The following ZBTB7C variants were observed in gnomAD, a reference collection of about 807,000 sequenced individuals.
ZBTB7C encodes the protein zinc finger and BTB domain containing 7C, also known as zinc finger and BTB domain-containing protein 7C.
A neutral mutation model predicts 25.7 loss-of-function variants in ZBTB7C; 8 were observed. The ratio of observed to expected loss-of-function variants is 0.31; its 90% CI spans 0.18 to 0.56. The LOEUF (loss-of-function observed/expected upper bound fraction) is 0.56. Ranked by LOEUF, ZBTB7C falls within the 20% of genes least tolerant of loss-of-function variation. The probability of loss-of-function intolerance (pLI) is 0.91; values close to 1 mark genes in which losing one functional copy is unlikely to be tolerated. For missense variants in ZBTB7C, 824 were observed against 855.2 expected (o/e 0.96, Z 0.46); for synonymous variants, 394 against 369.0 (o/e 1.07, Z -0.78).
intron 1 of ZBTB7C, among the ~76,000 whole-genome samples, chr18:48,339,346 C>T (rs897063960): frequency 4.6e-5 from 7 of 152,232 alleles, no homozygotes; most frequent in African/African-American, 1.4e-4. Flanking sequence ...GAACATCCAT[C>T]GGGACACCCA....
chr18:48,029,191 G>A lies in ZBTB7C; in HGVS notation c.*69C>T, dbSNP rs1458379655. 3 of 1,468,794 alleles carry A rather than the reference G, an allele frequency of 2.0e-6. No individual in the cohort carries two copies. Among genetic ancestry groups the A allele is most frequent in the Non-Finnish European group, 2.7e-6 (3 of 1,118,302 alleles). 91.0% of individuals were successfully genotyped at this position (1,468,794 alleles called of 1,614,324 possible). A position where few individuals can be genotyped will look rare whatever the true frequency, so the allele number is the denominator to read the frequency against. ...TAAAATGAAAAGTTCAGATCCATGG[G>A]GTAGGGTAGAGTGGGCCTGGAGGGA... On this transcript the variant is annotated 3_prime_UTR_variant, in exon 5 of 5. Transcript: ENST00000590800.
intron 3 of ZBTB7C, among the ~76,000 whole-genome samples, chr18:48,075,948 C>A (rs565945997): frequency 2.4e-4 from 36 of 152,326 alleles, no homozygotes; most frequent in Non-Finnish European, 4.0e-4. Context: ...CCTAAGAGAG[C>A]GCCTCTTGGC....
In ZBTB7C at chr18:48,395,375, A is replaced by G. The variant is rs568569816; in HGVS notation, c.-304+13851T>C. Among the ~76,000 whole-genome samples, 6 of 82,766 alleles carry G rather than the reference A, an allele frequency of 7.2e-5. No homozygotes were observed. In the East Asian group the frequency reaches 1.0e-3, roughly 14 times the overall value. The allele number at this position is 82,766 out of a possible 152,430, so 54.3% of individuals were successfully genotyped here. Reference sequence around the variant, plus strand: ...ATGTGTGCATGTATGTTCTATTCAAATGTGTGTGTGTGTGTGTGTGTGTGT... The same window carrying G: ...ATGTGTGCATGTATGTTCTATTCAAGTGTGTGTGTGTGTGTGTGTGTGTGT... On this transcript the variant is annotated intron_variant, in intron 1 of 4. Coordinates refer to ENST00000590800, the MANE Select transcript of ZBTB7C (RefSeq NM_001318841.2).
rs556461802 is a variant in ZBTB7C at position 48,367,695 on chromosome 18, A to T, written c.-303-29297T>A. ...CCCTCCCCATGTCAGCAAAGGCCAC[A>T]TGGGGAGCCTAGACTTCCACTCCAA... On this transcript the variant is annotated intron_variant, in intron 1 of 4. Transcript: ENST00000590800. Among the ~76,000 whole-genome samples, 174 of 152,176 alleles carry T rather than the reference A, an allele frequency of 1.1e-3. 1 individual carries two copies. The highest frequency in any genetic ancestry group is 2.1e-3 in the Non-Finnish European group (144 of 67,996).
At chr18:48,100,900 G>A (rs1419406224) in intron 3 of ZBTB7C, among the ~76,000 whole-genome samples, 7 of 28,162 alleles carry the variant, frequency 2.5e-4, no homozygotes, top group South Asian at 1.8e-3. Context: ...CTGTAGGGGC[G>A]GTAGGGGACT....
At chr18:48,307,628 T>A (rs781051412) in intron 2 of ZBTB7C, among the ~76,000 whole-genome samples, 1 of 152,230 alleles carries the variant, frequency 6.6e-6, no homozygotes, top group Non-Finnish European at 1.5e-5. Flanking sequence ...GGTGGGTGGA[T>A]GGCAAGGTCA....
At chr18:48,182,565 G>A (rs1275212034) in intron 3 of ZBTB7C, among the ~76,000 whole-genome samples, 2 of 152,252 alleles carry the variant, frequency 1.3e-5, no homozygotes, top group Non-Finnish European at 2.9e-5. Flanking sequence ...TTGTCAGGCA[G>A]TGTGGATCAG....
chr18:48,190,100 C>T (rs888047720), intron 2 of ZBTB7C, among the ~76,000 whole-genome samples: 2 of 152,158 alleles, frequency 1.3e-5, no homozygotes, highest in Admixed American at 6.5e-5. Context: ...ATCATCCGTC[C>T]CTCTTCTCTC....
At chr18:48,276,051 G>C (rs1367508312) in intron 2 of ZBTB7C, among the ~76,000 whole-genome samples, 1 of 152,140 alleles carries the variant, frequency 6.6e-6, no homozygotes, top group Non-Finnish European at 1.5e-5. Flanking sequence ...GGAAGACAGG[G>C]CAGATGACAA....
intron 2 of ZBTB7C, among the ~76,000 whole-genome samples, chr18:48,315,943 C>G (rs1051891966): frequency 1.3e-5 from 2 of 152,090 alleles, no homozygotes; most frequent in Admixed American, 6.6e-5. Context: ...GCCCAGCCCC[C>G]GTAAGAAAGG....
intron 3 of ZBTB7C, among the ~76,000 whole-genome samples, chr18:48,057,353 T>C (rs1165932877): frequency 6.6e-6 from 1 of 152,160 alleles, no homozygotes; most frequent in Non-Finnish European, 1.5e-5. Flanking sequence ...TATCCATCAA[T>C]AGAGGCTTGC....
chr18:48,216,991 GGA>G (rs1400267667), intron 2 of ZBTB7C, among the ~76,000 whole-genome samples: 4 of 152,168 alleles, frequency 2.6e-5, no homozygotes, highest in Non-Finnish European at 5.9e-5. Flanking sequence ...AGCATGCGCA[GGA>G]AGGCCGTGTG....
At chr18:48,077,097 AT>A (rs1249669709) in intron 3 of ZBTB7C, 11 of 723,722 alleles carry the variant, frequency 1.5e-5, no homozygotes, top group Admixed American at 6.5e-5. Flanking sequence ...CTCCTCTATG[AT>A]TTTTTTTCTT....
intron 2 of ZBTB7C, among the ~76,000 whole-genome samples, chr18:48,211,285 G>A (rs2145247113): frequency 6.6e-6 from 1 of 152,232 alleles, no homozygotes; most frequent in South Asian, 2.1e-4. Context: ...GTATGATGGT[G>A]ACTTTTTAGA....
chr18:48,029,693 C>G lies in ZBTB7C; in HGVS notation c.1427G>C (p.Arg476Pro), dbSNP rs528743120. ...HIKRQSCRMARPRRGRKPAAW... is the reference protein window; with the variant it reads ...HIKRQSCRMAPPRRGRKPAAW... ...AGCAGGCTTGCGGCCGCGTCGGGGC[C>G]GTGCCATGCGGCAGCTCTGGCGCTT... The change falls in exon 5 of 5, where the codon CGG becomes CCG. Residue 476 changes from arginine (R) to proline (P), a missense_variant. By Grantham distance (103) the Arg-to-Pro change is moderately radical. Transcript: ENST00000590800. 1.3e-6 allele frequency: 2 copies of G among 1,596,984 alleles called. No homozygotes were observed. Among genetic ancestry groups the G allele is most frequent in the Non-Finnish European group, 1.7e-6 (2 of 1,176,766 alleles).
intron 1 of ZBTB7C, among the ~76,000 whole-genome samples, chr18:48,365,835 A>G (rs1038671): frequency 0.11 from 16,614 of 152,250 alleles, 1,055 homozygotes; most frequent in Non-Finnish European, 0.14. Context: ...AATAGTGAAA[A>G]CCTGAAGTGA....
At chr18:48,054,560 A>G (rs375956816) in intron 3 of ZBTB7C, among the ~76,000 whole-genome samples, 2 of 152,290 alleles carry the variant, frequency 1.3e-5, no homozygotes, top group South Asian at 2.1e-4. Flanking sequence ...GTCCAGCCAG[A>G]TGGCCTCAAA....
chr18:48,141,388 T>C (rs2040344541), intron 3 of ZBTB7C, among the ~76,000 whole-genome samples: 1 of 152,186 alleles, frequency 6.6e-6, no homozygotes, highest in African/African-American at 2.4e-5. Context: ...TGTTGGCTAC[T>C]TGATGGCAAG....
chr18:48,384,874 G>A (rs1343188783), intron 1 of ZBTB7C, among the ~76,000 whole-genome samples: 1 of 152,040 alleles, frequency 6.6e-6, no homozygotes, highest in Non-Finnish European at 1.5e-5. Context: ...TAGAGACGAG[G>A]CTTCACCACC....
Sources: allele counts gnomAD v4.1 joint callset (sites outside exome capture counted in the v4.1 genomes callset), GRCh38; gene constraint gnomAD v4.1.1; transcripts MANE v1.5; gene names NCBI Gene and HGNC (gene_info 2026-07-23, HGNC 2026-07-21).